Variants in DYNC1I1 observed in about 807,000 individuals in gnomAD.
DYNC1I1 encodes dynein cytoplasmic 1 intermediate chain 1, also known as cytoplasmic dynein 1 intermediate chain 1.
In DYNC1I1, 43 loss-of-function variants were observed where a neutral mutation model predicts 86.6. The ratio of observed to expected loss-of-function variants is 0.50; its 90% CI spans 0.39 to 0.64. The LOEUF (loss-of-function observed/expected upper bound fraction) is 0.64. Among genes scored for constraint, DYNC1I1 ranks in the 30% least tolerant of loss-of-function variants. The pLI, the probability that DYNC1I1 is intolerant of heterozygous loss-of-function variation, is 0.00. For missense variants in DYNC1I1, 604 were observed against 788.8 expected, an observed-to-expected ratio of 0.77 and a Z score of 2.81; for synonymous variants, 262 against 283.7, an observed-to-expected ratio of 0.92 and a Z score of 0.77.
intron 7 of DYNC1I1, among the ~76,000 whole-genome samples, chr7:95,978,788 A>G (rs1288437600): frequency 6.6e-6 from 1 of 150,462 alleles, no homozygotes; most frequent in African/African-American, 2.5e-5. Context: ...TATCATATGG[A>G]GTTAAATGGG....
chr7:96,101,360 G>A (rs1255864576), downstream of DYNC1I1, among the ~76,000 whole-genome samples: 1 of 152,114 alleles, frequency 6.6e-6, no homozygotes, highest in Non-Finnish European at 1.5e-5. Context: ...GTCCAGTCCT[G>A]AGCCAGTTTT....
At chr7:96,052,314 A>G (rs1201055623) in intron 14 of DYNC1I1, among the ~76,000 whole-genome samples, 1 of 152,286 alleles carries the variant, frequency 6.6e-6, no homozygotes, top group East Asian at 1.9e-4. Context: ...CATAACATTG[A>G]AAAAAGAAAG....
At chr7:96,069,172 A>T (rs912617690) in intron 14 of DYNC1I1, among the ~76,000 whole-genome samples, 1 of 152,178 alleles carries the variant, frequency 6.6e-6, no homozygotes, top group African/African-American at 2.4e-5. Context: ...ATCATCGTAG[A>T]TATATAGAAT....
chr7:96,103,593 T>C (rs1213040530), intron 16 of DYNC1I1, among the ~76,000 whole-genome samples: 1 of 151,984 alleles, frequency 6.6e-6, no homozygotes, highest in Non-Finnish European at 1.5e-5. Flanking sequence ...ATCCTTATAG[T>C]GGCCCACAGG....
At chr7:95,972,400 C>G (rs1300450226) in intron 6 of DYNC1I1, among the ~76,000 whole-genome samples, 1 of 152,100 alleles carries the variant, frequency 6.6e-6, no homozygotes, top group Non-Finnish European at 1.5e-5. Flanking sequence ...TCCAAGGATC[C>G]AAAGACAAAG....
chr7:95,870,119 A>G (rs1790124459), intron 6 of DYNC1I1, 121 bp downstream of exon 6: 1 of 818,370 alleles, frequency 1.2e-6, no homozygotes, highest in Non-Finnish European at 1.8e-6. Flanking sequence ...ACATAATGAC[A>G]CTGAAAGCCA....
rs57989893 is a variant in DYNC1I1, at chr7:95,936,956, T to TCACACA, written c.491-40527_491-40522dup. Among the ~76,000 whole-genome samples the TCACACA allele has an allele frequency of 6.8e-3, 912 of 134,274 alleles. 9 individuals carry two copies. The highest frequency in any genetic ancestry group is 0.043 in the East Asian group (203 of 4,748). 88.1% of individuals were successfully genotyped at this position (134,274 alleles called of 152,430 possible). On this transcript the variant is annotated intron_variant, in intron 6 of 16. Transcript: ENST00000447467. The stretch of plus-strand genomic sequence containing the variant: ...CAAAGGAATGGATAAAGAATATGTC[T>TCACACA]CACACACACACACACACACACACAC...
intron 1 of DYNC1I1, among the ~76,000 whole-genome samples, chr7:95,803,117 T>C (rs540109677): frequency 1.3e-5 from 2 of 152,334 alleles, no homozygotes; most frequent in African/African-American, 4.8e-5. Context: ...GGGTAGGCAG[T>C]CTCAGTTCTT....
intron 10 of DYNC1I1, among the ~76,000 whole-genome samples, chr7:96,027,821 A>T (rs991381994): frequency 6.6e-6 from 1 of 152,204 alleles, no homozygotes; most frequent in Non-Finnish European, 1.5e-5. Flanking sequence ...TGGAGAATTA[A>T]TATTAGTTCT....
intron 14 of DYNC1I1, among the ~76,000 whole-genome samples, chr7:96,059,167 T>C (rs1243356421): frequency 6.6e-6 from 1 of 152,186 alleles, no homozygotes; most frequent in Non-Finnish European, 1.5e-5. Flanking sequence ...TCATTGACAT[T>C]GGATCCTTAG....
intron 14 of DYNC1I1, among the ~76,000 whole-genome samples, chr7:96,071,903 G>A (rs1161994653): frequency 2.6e-5 from 4 of 152,146 alleles, no homozygotes; most frequent in African/African-American, 9.7e-5. Context: ...AAGGACTGAA[G>A]GTCATTGCTA....
At chr7:95,786,184 A>G (rs1794141135) in intron 1 of DYNC1I1, among the ~76,000 whole-genome samples, 1 of 152,072 alleles carries the variant, frequency 6.6e-6, no homozygotes, top group African/African-American at 2.4e-5. Flanking sequence ...GTGGCACCAA[A>G]CATTCCCCTT....
chr7:96,005,202 A>G (rs1392902180), intron 10 of DYNC1I1, among the ~76,000 whole-genome samples: 1 of 152,194 alleles, frequency 6.6e-6, no homozygotes, highest in African/African-American at 2.4e-5. Flanking sequence ...ACGGCATGAA[A>G]AAATGGAAAA....
downstream of DYNC1I1, among the ~76,000 whole-genome samples, chr7:96,103,294 G>A (rs1791163925): frequency 1.3e-5 from 2 of 152,066 alleles, no homozygotes; most frequent in African/African-American, 2.4e-5. Flanking sequence ...CAGTCAAGAG[G>A]GAAAGGCTTT....
At chr7:96,077,085 T>C (rs937471474) in intron 15 of DYNC1I1, among the ~76,000 whole-genome samples, 1 of 152,118 alleles carries the variant, frequency 6.6e-6, no homozygotes, top group African/African-American at 2.4e-5. Flanking sequence ...TAAATAAGAA[T>C]GGACAGGTAA....
intron 4 of DYNC1I1, among the ~76,000 whole-genome samples, chr7:95,826,655 A>T (rs1795209568): frequency 6.6e-6 from 1 of 152,182 alleles, no homozygotes; most frequent in Non-Finnish European, 1.5e-5. Context: ...AGAAAATCAT[A>T]GGTAAAGATG....
intron 14 of DYNC1I1, among the ~76,000 whole-genome samples, chr7:96,053,085 C>T (rs1182709809): frequency 1.3e-5 from 2 of 152,320 alleles, no homozygotes; most frequent in Non-Finnish European, 1.5e-5. Flanking sequence ...TGCACACTCT[C>T]ACAATTCCAC....
intron 1 of DYNC1I1, among the ~76,000 whole-genome samples, chr7:95,788,040 T>C (rs1794195022): frequency 6.6e-6 from 1 of 151,968 alleles, no homozygotes; most frequent in Admixed American, 6.6e-5. Flanking sequence ...ATCAGGAAAG[T>C]GATAGGGTTG....
At chr7:95,856,714 C>T (rs1789733140) in intron 5 of DYNC1I1, among the ~76,000 whole-genome samples, 1 of 152,178 alleles carries the variant, frequency 6.6e-6, no homozygotes, top group Non-Finnish European at 1.5e-5. Context: ...GGTGTGGTGG[C>T]TCACGCCTGT....
Sources: gnomAD v4.1 joint callset for allele counts (sites outside exome capture counted in the v4.1 genomes callset) on GRCh38, gnomAD v4.1.1 for gene constraint, MANE v1.5 for transcripts, NCBI Gene and HGNC (gene_info 2026-07-23, HGNC 2026-07-21) for gene names.